CDH6: variants seen among roughly 807,000 people sequenced by gnomAD.
The protein encoded by CDH6 is cadherin-6.
In CDH6, 31 loss-of-function variants were observed where a neutral mutation model predicts 78.0. The ratio of observed to expected loss-of-function variants is 0.40; its 90% CI spans 0.30 to 0.54. CDH6 has a LOEUF of 0.54. Among genes scored for constraint, CDH6 ranks in the 20% least tolerant of loss-of-function variants. The pLI, the probability that CDH6 is intolerant of heterozygous loss-of-function variation, is 0.56. For missense variants in CDH6, 724 were observed against 975.9 expected (o/e 0.74, Z 3.44); for synonymous variants, 376 against 368.8 (o/e 1.02, Z -0.23).
chr5:31,302,940 AAAGAAAGAAAGAAAGAAGGAAAGAAAAG>A (rs1444487781), intron 6 of CDH6, among the ~76,000 whole-genome samples: 6 of 131,484 alleles, frequency 4.6e-5, no homozygotes, highest in South Asian at 2.6e-4. Flanking sequence ...AGAAAGAAAG[AAAGAAAGAAAGAAAGAAGGAAAGAAAAG>A]AAAGAAAGAA....
At chr5:31,302,794 GAGAGAGAAAGAA>G (rs1475066138) in intron 6 of CDH6, among the ~76,000 whole-genome samples, 2,268 of 36,226 alleles carry the variant, frequency 0.063, 86 homozygotes, top group African/African-American at 0.12. Context: ...GAGAGAGAGA[GAGAGAGAAAGAA>G]AGAAAGAAAG....
At chr5:31,213,825 G>A (rs1299479626) in intron 1 of CDH6, among the ~76,000 whole-genome samples, 1 of 149,382 alleles carries the variant, frequency 6.7e-6, no homozygotes, top group African/African-American at 2.5e-5. Flanking sequence ...GAAACCTCTC[G>A]CGTTCTCTGA....
intron 1 of CDH6, among the ~76,000 whole-genome samples, chr5:31,203,198 A>G (rs1472339286): frequency 1.3e-5 from 2 of 150,286 alleles, no homozygotes; most frequent in Admixed American, 1.3e-4. Flanking sequence ...CTTTTTTATA[A>G]AGCGAGAGAG....
In CDH6 at chr5:31,326,397, G is replaced by A; in HGVS notation, c.*3089G>A. On this transcript the variant is annotated 3_prime_UTR_variant, in exon 12 of 12. Transcript: ENST00000265071. ...ACTTCCTGGCCACTTACTTCTGAAA[G>A]GCCTAAAAAACATTTGTGCCCAAAT... 4.8e-6 allele frequency: 1 copy of A among 209,020 alleles called. No individual in the cohort carries two copies. Among genetic ancestry groups the A allele is most frequent in the Non-Finnish European group, 9.7e-6 (1 of 102,798 alleles). The allele number at this position is 209,020 out of a possible 1,614,324, so 12.9% of individuals were successfully genotyped here.
intron 1 of CDH6, among the ~76,000 whole-genome samples, chr5:31,206,127 A>T (rs1740512607): frequency 7.0e-6 from 1 of 142,824 alleles, no homozygotes; most frequent in Non-Finnish European, 1.5e-5. Context: ...ATCATAGAAT[A>T]GATAGATGAC....
chr5:31,259,381 T>A (rs943854886), intron 1 of CDH6, among the ~76,000 whole-genome samples: 2 of 152,172 alleles, frequency 1.3e-5, no homozygotes, highest in African/African-American at 4.8e-5. Context: ...GATACCTTCA[T>A]CTCCTGCAGG....
intron 2 of CDH6, among the ~76,000 whole-genome samples, chr5:31,289,630 C>G (rs1743102784): frequency 6.6e-6 from 1 of 152,144 alleles, no homozygotes; most frequent in Non-Finnish European, 1.5e-5. Flanking sequence ...ACACCCTCAC[C>G]AACATTGTTT....
At chr5:31,299,404 A>G in intron 4 of CDH6, 60 bp from the exon 5 acceptor site, 2 of 1,352,602 alleles carry the variant, frequency 1.5e-6, no homozygotes, top group South Asian at 1.2e-5. Flanking sequence ...TGCATAAATC[A>G]ATGATTCCAT....
chr5:31,281,718 T>A (rs1045928163), intron 2 of CDH6, among the ~76,000 whole-genome samples: 8 of 152,212 alleles, frequency 5.3e-5, no homozygotes, highest in Admixed American at 5.2e-4. Context: ...GTATCATTTG[T>A]GGCAGTAGAA....
At chr5:31,249,873 T>G (rs965727282) in intron 1 of CDH6, 2 of 152,346 alleles carry the variant, frequency 1.3e-5, no homozygotes, top group African/African-American at 4.8e-5. Context: ...TCACGCAGCT[T>G]TCTTCCGAGG....
At chr5:31,201,626 A>C (rs1052390072) in intron 1 of CDH6, among the ~76,000 whole-genome samples, 1 of 152,162 alleles carries the variant, frequency 6.6e-6, no homozygotes, top group Non-Finnish European at 1.5e-5. Flanking sequence ...AAGTAACTCA[A>C]TGTCAATCCT....
Position 31,305,386 on chromosome 5 carries a change from C to T in CDH6, c.1212C>T (p.Ser404=), listed in dbSNP as rs147614751. Residue 404 remains serine (S), a synonymous_variant, in exon 7 of 12, where the codon TCC becomes TCT. Transcript: ENST00000265071. The part of the protein sequence containing the change: ...EDAQINTTIG[S]VTAQDPDAAR... ...CTCAGATAAACACCACAATAGGCTC[C>T]GTCACAGCCCAAGATCCAGATGCTG... The T allele has an allele frequency of 6.8e-6, 11 of 1,613,948 alleles. No homozygotes were observed. Among genetic ancestry groups the T allele is most frequent in the South Asian group, 2.2e-5 (2 of 91,078 alleles).
intron 1 of CDH6, among the ~76,000 whole-genome samples, chr5:31,234,166 G>GT (rs376648992): frequency 4.0e-5 from 6 of 151,758 alleles, no homozygotes; most frequent in East Asian, 1.9e-4. Flanking sequence ...GTATTTAAAG[G>GT]TTTTTTTTAT....
At chr5:31,284,297 T>A (rs978555740) in intron 2 of CDH6, among the ~76,000 whole-genome samples, 1 of 152,234 alleles carries the variant, frequency 6.6e-6, no homozygotes, top group Non-Finnish European at 1.5e-5. Context: ...GAATTGGCCC[T>A]TCCATCTACT....
chr5:31,305,161 C>T lies in CDH6; in HGVS notation c.1000-13C>T, dbSNP rs1201846523. ...TTAAATATGTCACTTCTTCCCCCAC[C>T]CCCAACCTCAAGCTCTTGGACTTTG... On this transcript the variant is annotated splice_polypyrimidine_tract_variant and intron_variant, in intron 6 of 11. Coordinates refer to ENST00000265071, the MANE Select transcript of CDH6 (RefSeq NM_004932.4). The T allele has an allele frequency of 1.9e-6, 3 of 1,603,276 alleles. No homozygotes were observed. Among genetic ancestry groups the T allele is most frequent in the Non-Finnish European group, 2.6e-6 (3 of 1,174,402 alleles).
At chr5:31,286,484 G>A (rs1323426294) in intron 2 of CDH6, among the ~76,000 whole-genome samples, 2 of 152,318 alleles carry the variant, frequency 1.3e-5, no homozygotes, top group Non-Finnish European at 2.9e-5. Flanking sequence ...GCGTAGCTAC[G>A]AAAGAGCTAG....
chr5:31,254,690 G>T (rs921057515), intron 1 of CDH6, among the ~76,000 whole-genome samples: 1 of 152,194 alleles, frequency 6.6e-6, no homozygotes, highest in African/African-American at 2.4e-5. Flanking sequence ...TCTTAATAAT[G>T]ATATTGATAA....
At chr5:31,315,578 G>A (rs990662543) in intron 8 of CDH6, among the ~76,000 whole-genome samples, 11 of 152,276 alleles carry the variant, frequency 7.2e-5, no homozygotes, top group South Asian at 6.2e-4. Context: ...GAACAGCCTG[G>A]GCTTTCAGCC....
chr5:31,221,156 G>T (rs1740995400), intron 1 of CDH6, among the ~76,000 whole-genome samples: 1 of 152,166 alleles, frequency 6.6e-6, no homozygotes, highest in South Asian at 2.1e-4. Context: ...CATTGACGAA[G>T]TCCTTTGTCA....
Sources: allele counts gnomAD v4.1 joint callset (sites outside exome capture counted in the v4.1 genomes callset), GRCh38; gene constraint gnomAD v4.1.1; transcripts MANE v1.5; gene names NCBI Gene and HGNC (gene_info 2026-07-23, HGNC 2026-07-21).